MAGI2: variants seen among roughly 807,000 people sequenced by gnomAD.
The protein encoded by MAGI2 is membrane associated guanylate kinase, WW and PDZ domain containing 2.
Under a neutral mutation model 133.3 loss-of-function variants are expected in MAGI2, and 35 were observed. That is an observed-to-expected ratio of 0.26 (90% CI 0.20 to 0.35). MAGI2 has a LOEUF of 0.35. Ranked by LOEUF, MAGI2 falls within the 10% of genes least tolerant of loss-of-function variation. The pLI, the probability that MAGI2 is intolerant of heterozygous loss-of-function variation, is 1.00. For missense variants in MAGI2, 1,636 were observed against 1,863.4 expected, an observed-to-expected ratio of 0.88 and a Z score of 2.25; for synonymous variants, 729 against 710.6, an observed-to-expected ratio of 1.03 and a Z score of -0.41.
chr7:78,954,102 C>A (rs1802088267), intron 2 of MAGI2, among the ~76,000 whole-genome samples: 1 of 152,050 alleles, frequency 6.6e-6, no homozygotes, highest in Admixed American at 6.6e-5. Context: ...TCGCCTTTGT[C>A]ATCTTAAAAT....
intron 2 of MAGI2, among the ~76,000 whole-genome samples, chr7:78,967,483 C>G (rs1475209323): frequency 6.6e-6 from 1 of 151,738 alleles, no homozygotes; most frequent in Non-Finnish European, 1.5e-5. Context: ...TTTTTGTTGC[C>G]TGTACTTTTG....
rs1239908827 is a variant in MAGI2 at position 79,214,599 on chromosome 7, A to T, written c.302-207393T>A. Among the ~76,000 whole-genome samples the T allele has an allele frequency of 2.8e-5, 4 of 141,674 alleles. No individual in the cohort carries two copies. In the South Asian group the frequency reaches 8.5e-4, roughly 30 times the overall value. 92.9% of individuals were successfully genotyped at this position (141,674 alleles called of 152,430 possible). Reference sequence around the variant, plus strand: ...TCGGATAGAGACAGAGAGAGAGTGCAAACAAAAGAAAAATTTATATAAATA... The same window carrying T: ...TCGGATAGAGACAGAGAGAGAGTGCTAACAAAAGAAAAATTTATATAAATA... On this transcript the variant is annotated intron_variant, in intron 1 of 21. Transcript: ENST00000354212.
Position 78,373,844 on chromosome 7 carries a change from G to A in MAGI2, c.1046-4631C>T, listed in dbSNP as rs143486625. Among the ~76,000 whole-genome samples, 979 of 152,200 alleles carry A rather than the reference G, an allele frequency of 6.4e-3. 14 individuals are homozygous for A. Among genetic ancestry groups the A allele is most frequent in the African/African-American group, 0.022 (906 of 41,524 alleles). ...AGCTCCCACTTATAAGTGAGAACAT[G>A]CAATATTTGATTTTCTCTTCCTGCA... is the stretch of plus-strand genomic sequence containing the variant. On this transcript the variant is annotated intron_variant, in intron 6 of 21. Coordinates refer to ENST00000354212, the MANE Select transcript of MAGI2 (RefSeq NM_012301.4).
intron 3 of MAGI2, among the ~76,000 whole-genome samples, chr7:78,570,682 A>G (rs561418234): frequency 6.6e-6 from 1 of 152,258 alleles, no homozygotes; most frequent in East Asian, 1.9e-4. Flanking sequence ...GGGCAAGAAA[A>G]TTTGCTCAGT....
rs1554441618 is a variant in MAGI2 at position 78,085,550 on chromosome 7, C to CCCCA, written c.3568-6466_3568-6465insTGGG. Among the ~76,000 whole-genome samples, 6 of 120,964 alleles carry CCCCA rather than the reference C, an allele frequency of 5.0e-5. No homozygotes were observed. In the East Asian group the frequency reaches 1.5e-3, roughly 31 times the overall value. The allele number at this position is 120,964 out of a possible 152,430, so 79.4% of individuals were successfully genotyped here. Reference sequence around the variant, plus strand: ...AAAACAAAACAAAATAATAAAACTCCCACACACACACACACACACACACAC... The same window carrying CCCCA: ...AAAACAAAACAAAATAATAAAACTCCCCCACACACACACACACACACACACACAC... On this transcript the variant is annotated intron_variant, in intron 20 of 21. Transcript: ENST00000354212.
At chr7:78,710,703 C>T (rs139765944) in intron 2 of MAGI2, among the ~76,000 whole-genome samples, 197 of 152,092 alleles carry the variant, frequency 1.3e-3, no homozygotes, top group African/African-American at 4.6e-3. Context: ...GATTAAATGC[C>T]GCTTGACACA....
intron 1 of MAGI2, among the ~76,000 whole-genome samples, chr7:79,382,028 A>T (rs1843827670): frequency 1.3e-5 from 2 of 151,700 alleles, no homozygotes; most frequent in South Asian, 4.1e-4. Flanking sequence ...ACTGCTGGGG[A>T]ATAGGGAGAA....
chr7:78,766,257 T>C (rs1243513782), intron 2 of MAGI2, among the ~76,000 whole-genome samples: 1 of 152,214 alleles, frequency 6.6e-6, no homozygotes, highest in African/African-American at 2.4e-5. Flanking sequence ...CAGTTGAGAT[T>C]TGTTGCTTCG....
intron 9 of MAGI2, among the ~76,000 whole-genome samples, chr7:78,301,921 A>G (rs1013958855): frequency 6.6e-6 from 1 of 152,104 alleles, no homozygotes; most frequent in Non-Finnish European, 1.5e-5. Flanking sequence ...CTCCCAATCT[A>G]TAAAATGGGG....
intron 3 of MAGI2, among the ~76,000 whole-genome samples, chr7:78,626,876 T>C: frequency 6.6e-6 from 1 of 150,988 alleles, no homozygotes; most frequent in East Asian, 1.9e-4. Flanking sequence ...AATAGGTATA[T>C]ATATAATAGG....
intron 2 of MAGI2, among the ~76,000 whole-genome samples, chr7:78,756,418 ATATT>A (rs1823952570): frequency 6.6e-6 from 1 of 152,164 alleles, no homozygotes; most frequent in Admixed American, 6.6e-5. Flanking sequence ...TTAATATAAT[ATATT>A]TAGTTATTTT....
chr7:78,759,564 G>A (rs1824280658), intron 2 of MAGI2, among the ~76,000 whole-genome samples: 1 of 152,108 alleles, frequency 6.6e-6, no homozygotes, highest in Non-Finnish European at 1.5e-5. Flanking sequence ...CAAATTTAAT[G>A]TGACAATGTT....
chr7:78,265,380 C>A (rs10279734), intron 9 of MAGI2, among the ~76,000 whole-genome samples: 1,964 of 152,260 alleles, frequency 0.013, 44 homozygotes, highest in African/African-American at 0.042. Flanking sequence ...CTCCAAAAAG[C>A]ACTGGCTTTC....
intron 2 of MAGI2, among the ~76,000 whole-genome samples, chr7:78,935,450 T>G: frequency 6.6e-6 from 1 of 152,146 alleles, no homozygotes; most frequent in East Asian, 1.9e-4. Context: ...TACAGACCTC[T>G]GCTTAAGCAG....
intron 2 of MAGI2, among the ~76,000 whole-genome samples, chr7:78,968,033 G>T (rs940241879): frequency 2.0e-5 from 3 of 151,988 alleles, no homozygotes; most frequent in African/African-American, 7.2e-5. Flanking sequence ...GTTTCACCAT[G>T]TTGGCCAGGC....
intron 2 of MAGI2, among the ~76,000 whole-genome samples, chr7:78,754,085 T>C (rs980259470): frequency 1.3e-5 from 2 of 152,038 alleles, no homozygotes; most frequent in African/African-American, 4.8e-5. Flanking sequence ...GCACAAGAAA[T>C]GGTACATATA....
intron 10 of MAGI2, among the ~76,000 whole-genome samples, chr7:78,225,285 G>A (rs892238500): frequency 1.3e-5 from 2 of 152,110 alleles, no homozygotes; most frequent in African/African-American, 2.4e-5. Flanking sequence ...TTGGTTTATC[G>A]TCAGTAGAGC....
chr7:78,505,466 C>T (rs1303469842), intron 4 of MAGI2, among the ~76,000 whole-genome samples: 1 of 152,146 alleles, frequency 6.6e-6, no homozygotes, highest in Non-Finnish European at 1.5e-5. Flanking sequence ...CCACTGCTAA[C>T]TTCAGAGTCT....
At position 78,560,271 on chromosome 7, in the gene MAGI2, G is replaced by A. The variant is rs192199349; in HGVS notation, c.539-38626C>T. On this transcript the variant is annotated intron_variant, in intron 3 of 21. Transcript: ENST00000354212. ...TCATTTTCAACATGGTGAGTTTGAA[G>A]TGACAGCAGAATATTCATGCACAGA... is the stretch of plus-strand genomic sequence containing the variant. Among the ~76,000 whole-genome samples the A allele has an allele frequency of 1.9e-3, 283 of 152,300 alleles. 2 individuals are homozygous for A. The highest frequency in any genetic ancestry group is 6.7e-3 in the African/African-American group (280 of 41,576).
Sources: gnomAD v4.1 joint callset for allele counts (sites outside exome capture counted in the v4.1 genomes callset) on GRCh38, gnomAD v4.1.1 for gene constraint, MANE v1.5 for transcripts, NCBI Gene and HGNC (gene_info 2026-07-23, HGNC 2026-07-21) for gene names.